AFP: variants seen among roughly 807,000 people sequenced by gnomAD.
AFP encodes the protein alpha fetoprotein, also known as alpha-fetoprotein.
In AFP, 64 loss-of-function variants were observed where a neutral mutation model predicts 78.9. The ratio of observed to expected loss-of-function variants is 0.81; its 90% CI spans 0.66 to 1.00. AFP has a LOEUF of 1.00. AFP is among the 50% of genes least tolerant of loss of function. AFP has a pLI of 0.00. For synonymous variants in AFP, 254 were observed against 243.8 expected (o/e 1.04, Z -0.39); for missense variants, 689 against 703.8 (o/e 0.98, Z 0.24).
At chr4:73,448,233 T>A (rs1719890342) in intron 8 of AFP, among the ~76,000 whole-genome samples, 1 of 152,166 alleles carries the variant, frequency 6.6e-6, no homozygotes, top group Admixed American at 6.5e-5. Flanking sequence ...TAGTTTGTTT[T>A]AATACAACTG....
chr4:73,436,967 G>C (rs1288253476), intron 1 of AFP, among the ~76,000 whole-genome samples, 193 bp from the exon 2 acceptor site: 1 of 151,940 alleles, frequency 6.6e-6, no homozygotes, highest in Non-Finnish European at 1.5e-5. Context: ...AATTATGCTT[G>C]TTAACTTCAT....
At chr4:73,449,968 CA>C in intron 9 of AFP, 67 bp from the exon 10 acceptor site, 8 of 1,006,024 alleles carry the variant, frequency 8.0e-6, no homozygotes, top group Non-Finnish European at 1.2e-5. Flanking sequence ...TAATATTGAT[CA>C]ATTTTATATA....
intron 11 of AFP, 124 bp downstream of exon 11, chr4:73,450,877 G>C (rs1719972925): frequency 1.3e-6 from 2 of 1,508,120 alleles, no homozygotes; most frequent in African/African-American, 1.4e-5. Context: ...AGGCTTGTTT[G>C]ATTAGTCACG....
chr4:73,453,547 T>G, intron 12 of AFP: 1 of 552,108 alleles, frequency 1.8e-6, no homozygotes, highest in Non-Finnish European at 3.2e-6. Flanking sequence ...AATAGTGTTT[T>G]ATCCACAACC....
intron 6 of AFP, 113 bp from the exon 7 acceptor site, chr4:73,444,880 G>A (rs1719771827): frequency 2.1e-6 from 2 of 945,978 alleles, no homozygotes; most frequent in Middle Eastern, 3.3e-4. Flanking sequence ...TAAACAACAA[G>A]GGAATTTCAG....
At chr4:73,449,557 C>T (rs2149335992) in intron 9 of AFP, 90 bp downstream of exon 9, 1 of 1,465,876 alleles carries the variant, frequency 6.8e-7, no homozygotes. Context: ...CTCTAGTTTT[C>T]AACTAGTTGT....
intron 1 of AFP, among the ~76,000 whole-genome samples, chr4:73,436,691 A>C (rs1450351523): frequency 6.6e-6 from 1 of 151,798 alleles, no homozygotes; most frequent in African/African-American, 2.4e-5. Flanking sequence ...AGCCAGAATT[A>C]TGCTCCTTCA....
chr4:73,445,127 A>G lies in AFP; in HGVS notation c.843+5A>G, dbSNP rs2298839. 0.56 allele frequency: 900,247 copies of G among 1,612,764 alleles called. 253,780 individuals are homozygous for G. The highest frequency in any genetic ancestry group is 0.67 in the East Asian group (29,894 of 44,826). ...CTGGATTGTCTGCAGGATGGGGTGA[A>G]GAGTCTTGCTTCTTAAAATAGAAGA... On this transcript the variant is annotated splice_donor_5th_base_variant and intron_variant, in intron 7 of 14. Transcript: ENST00000395792.
At position 73,449,340 on chromosome 4, in the gene AFP, T is replaced by C; in HGVS notation, c.1064T>C (p.Val355Ala). Reference protein sequence around the residue: ...GEKNIFLASFVHEYSRRHPQL... With the variant: ...GEKNIFLASFAHEYSRRHPQL... ...TTTTTCTCCACATATTTCAGTTTTG[T>C]TCATGAATATTCAAGAAGACATCCT... The change falls in exon 9 of 15, where the codon GTT (valine) becomes GCT (alanine). Residue 355 changes from valine (V) to alanine (A), a missense_variant. Transcript: ENST00000395792. 6 of 1,612,948 alleles carry C rather than the reference T, an allele frequency of 3.7e-6. No homozygotes were observed. Among genetic ancestry groups the C allele is most frequent in the Non-Finnish European group, 4.2e-6 (5 of 1,179,328 alleles).
Position 73,449,457 on chromosome 4 carries a change from A to G in AFP, c.1181A>G (p.Gln394Arg). Reference protein sequence around the residue: ...CFQTENPLECQDKGEEELQKY... With the variant: ...CFQTENPLECRDKGEEELQKY... ...CAGACTGAAAACCCTCTTGAATGCC[A>G]AGATAAAGGAGTAAGTTGCTCTAGA... The change falls in exon 9 of 15, where the codon CAA becomes CGA. Residue 394 changes from glutamine (Q) to arginine (R), a missense_variant. Transcript: ENST00000395792. The G allele has an allele frequency of 2.5e-6, 4 of 1,613,586 alleles. No individual in the cohort carries two copies. The highest frequency in any genetic ancestry group is 3.4e-6 in the Non-Finnish European group (4 of 1,179,664).
chr4:73,444,998 T>C lies in AFP; in HGVS notation c.719T>C (p.Val240Ala). Residue 240 changes from valine (V) to alanine (A), a missense_variant, in exon 7 of 15, where the codon GTT becomes GCT. Coordinates refer to ENST00000395792, the MANE Select transcript of AFP (RefSeq NM_001134.3). Reference sequence around the variant, plus strand: ...AATTTCTTTTTTTTCCCTAGAACTGTTACTAAACTGAGTCAGAAGTTTACC... The same window carrying C: ...AATTTCTTTTTTTTCCCTAGAACTGCTACTAAACTGAGTCAGAAGTTTACC... The part of the protein sequence containing the change: ...FGTRTFQAIT[V>A]TKLSQKFTKV... 6.2e-7 allele frequency: 1 copy of C among 1,610,086 alleles called. No individual in the cohort carries two copies. Among genetic ancestry groups the C allele is most frequent in the Non-Finnish European group, 8.5e-7 (1 of 1,176,512 alleles).
In AFP at chr4:73,441,887, CAGGTG is replaced by C. The variant is rs1291261382; in HGVS notation, c.483-408_483-404del. On this transcript the variant is annotated intron_variant, in intron 4 of 14. Transcript: ENST00000395792. ...GAACATCTCTGCTATGGCGACTATCCAGGTGCATAACCCCATTCTGCACTGACAAG... is the reference window on the plus strand; with the variant it reads ...GAACATCTCTGCTATGGCGACTATCCCATAACCCCATTCTGCACTGACAAG... 2.0e-5 allele frequency among the ~76,000 whole-genome samples: 3 copies of C among 152,266 alleles called. No individual in the cohort carries two copies. The East Asian group carries it at 5.8e-4, about 29-fold the overall frequency.
chr4:73,440,515 T>A, intron 3 of AFP, 87 bp from the exon 4 acceptor site: 1 of 1,092,630 alleles, frequency 9.2e-7, no homozygotes, highest in Non-Finnish European at 1.4e-6. Context: ...AGTTCTGATT[T>A]TAGACATTAG....
Position 73,440,663 on chromosome 4 carries a change from C to G in AFP, c.332C>G (p.Ser111Ter). Reference sequence around the variant, plus strand: ...GAAATTTTGGAGAAGTACGGACATTCAGACTGCTGCAGCCAAAGTGAAGAG... The same window carrying G: ...GAAATTTTGGAGAAGTACGGACATTGAGACTGCTGCAGCCAAAGTGAAGAG... ...EKEILEKYGHSDCCSQSEEGR... is the reference protein window; with the variant it reads ...EKEILEKYGH Residue 111 changes from serine to a stop codon, truncating the protein, a stop_gained, in exon 4 of 15, where the codon TCA becomes TGA. Coordinates refer to ENST00000395792, the MANE Select transcript of AFP (RefSeq NM_001134.3). LOFTEE classifies it high-confidence loss of function. 1 of 1,614,146 alleles carries G rather than the reference C, an allele frequency of 6.2e-7. No homozygotes were observed. The highest frequency in any genetic ancestry group is 8.5e-7 in the Non-Finnish European group (1 of 1,180,020).
intron 13 of AFP, among the ~76,000 whole-genome samples, chr4:73,454,713 C>G (rs541824232): frequency 6.6e-6 from 1 of 152,156 alleles, no homozygotes; most frequent in South Asian, 2.1e-4. Context: ...TAGAGTTTTT[C>G]TATAAATAAT....
rs1410234836 is a variant in AFP at position 73,442,304 on chromosome 4, A to G, written c.491A>G (p.Tyr164Cys). Residue 164 changes from tyrosine to cysteine, a missense_variant, in exon 5 of 15, where the codon TAT (tyrosine) becomes TGT (cysteine). By Grantham distance (194) the Tyr-to-Cys change is radical (BLOSUM62 -2). Transcript: ENST00000395792. ...TCTATTTTATTTCACAGATTCATTT[A>G]TGAGATAGCAAGAAGGCATCCCTTC... ...DRETFMNKFI[Y>C]EIARRHPFLY... The G allele has an allele frequency of 6.2e-7, 1 of 1,613,536 alleles. No homozygotes were observed. The highest frequency in any genetic ancestry group is 1.3e-5 in the African/African-American group (1 of 74,916).
chr4:73,449,031 T>C (rs1719910779), intron 8 of AFP, among the ~76,000 whole-genome samples: 1 of 152,160 alleles, frequency 6.6e-6, no homozygotes, highest in Non-Finnish European at 1.5e-5. Context: ...CTTAAAGCAA[T>C]GCTAGCAAAG....
chr4:73,455,158 C>T (rs1407125239), intron 13 of AFP, 78 bp from the exon 14 acceptor site: 27 of 1,143,068 alleles, frequency 2.4e-5, no homozygotes, highest in Middle Eastern at 2.4e-4. Context: ...GAATTCACCC[C>T]GGATTGTAGA....
At chr4:73,450,779 A>G in intron 11 of AFP, 26 bp downstream of exon 11, 2 of 1,613,468 alleles carry the variant, frequency 1.2e-6, no homozygotes, top group Non-Finnish European at 1.7e-6. Flanking sequence ...GTTTGGTCCC[A>G]TCTCATTTCT....
Sources: gnomAD v4.1 joint callset for allele counts (sites outside exome capture counted in the v4.1 genomes callset) on GRCh38, gnomAD v4.1.1 for gene constraint, MANE v1.5 for transcripts, NCBI Gene and HGNC (gene_info 2026-07-23, HGNC 2026-07-21) for gene names.